The following PUS10 variants were observed in gnomAD, a reference collection of about 807,000 sequenced individuals.
PUS10 encodes the protein tRNA pseudouridine synthase Pus10.
A neutral mutation model predicts 75.0 loss-of-function variants in PUS10; 59 were observed. The observed-to-expected ratio is 0.79, with a 90% CI of 0.64 to 0.98. The LOEUF (loss-of-function observed/expected upper bound fraction) is 0.98. PUS10 is among the 50% of genes least tolerant of loss of function. The pLI is 0.00. For synonymous variants in PUS10, 219 were observed against 211.6 expected, an observed-to-expected ratio of 1.03 and a Z score of -0.30; for missense variants, 650 against 614.4, an observed-to-expected ratio of 1.06 and a Z score of -0.61.
intron 17 of PUS10, among the ~76,000 whole-genome samples, chr2:60,943,310 T>C (rs1674733270): frequency 6.6e-6 from 1 of 152,130 alleles, no homozygotes; most frequent in South Asian, 2.1e-4. Flanking sequence ...TCTGTTTCTT[T>C]AAAATCCAGT....
chr2:60,942,350 A>G lies in PUS10; in HGVS notation c.*45T>C. On this transcript the variant is annotated 3_prime_UTR_variant, in exon 18 of 18. Coordinates refer to ENST00000316752, the MANE Select transcript of PUS10 (RefSeq NM_144709.4). ...TACGGCATGTGCTCCATGGATGTCC[A>G]CATCATGCCAGGAAAACCATACTCT... 1 of 1,566,716 alleles carries G rather than the reference A, an allele frequency of 6.4e-7. No homozygotes were observed. The highest frequency in any genetic ancestry group is 8.8e-7 in the Non-Finnish European group (1 of 1,136,784).
At chr2:60,957,399 G>C (rs976065735) in intron 11 of PUS10, among the ~76,000 whole-genome samples, 7 of 152,236 alleles carry the variant, frequency 4.6e-5, no homozygotes, top group Admixed American at 2.0e-4. Context: ...ATGATGGGTG[G>C]AGCTGGCTAG....
chr2:60,954,267 T>TAATGCAAGAGGGTTAG, intron 12 of PUS10, 109 bp from the exon 13 acceptor site: 1 of 945,038 alleles, frequency 1.1e-6, no homozygotes, highest in Non-Finnish European at 1.7e-6. Context: ...TCTAGAGGAC[T>TAATGCAAGAGGGTTAG]GAAAGTTTAG....
chr2:61,014,689 T>A (rs1679852100), intron 1 of PUS10, among the ~76,000 whole-genome samples: 1 of 152,244 alleles, frequency 6.6e-6, no homozygotes, highest in Non-Finnish European at 1.5e-5. Context: ...TCTTATGGCA[T>A]GCTGTAACTG....
intron 4 of PUS10, among the ~76,000 whole-genome samples, chr2:60,977,678 T>G (rs1197884103): frequency 6.6e-6 from 1 of 152,208 alleles, no homozygotes; most frequent in East Asian, 1.9e-4. Context: ...TGAGAGAATG[T>G]GTCCAGCCCA....
intron 4 of PUS10, 40 bp downstream of exon 4, chr2:61,006,517 T>C (rs752120133): frequency 3.7e-6 from 5 of 1,358,116 alleles, no homozygotes; most frequent in South Asian, 1.2e-5. Flanking sequence ...ATTCCTAGCA[T>C]GCACTTCACA....
intron 15 of PUS10, among the ~76,000 whole-genome samples, 192 bp downstream of exon 15, chr2:60,952,805 G>A (rs190481192): frequency 3.8e-4 from 58 of 152,316 alleles, no homozygotes; most frequent in African/African-American, 1.4e-3. Flanking sequence ...CACTGGCCAC[G>A]CTGCCGCTCC....
chr2:60,975,666 CAAA>C (rs1160640734), intron 4 of PUS10, among the ~76,000 whole-genome samples: 4 of 79,490 alleles, frequency 5.0e-5, no homozygotes. Context: ...AGGGAGCATT[CAAA>C]AAAAAAAAAA....
At chr2:61,013,434 T>A (rs1363838331) in intron 1 of PUS10, among the ~76,000 whole-genome samples, 1 of 152,202 alleles carries the variant, frequency 6.6e-6, no homozygotes, top group African/African-American at 2.4e-5. Context: ...ACTGAGTTGA[T>A]TACCTTTTTG....
rs757458628 is a variant in PUS10, at chr2:61,011,861, A to G, written c.30T>C (p.His10=). MFPLTEENK[H]VAQLLLNTGT... ...CAGTATTGAGCAACAACTGGGCCAC[A>G]TGCTTGTTTTCCTCAGTCAGTGGGA... is the stretch of plus-strand genomic sequence containing the variant. The change falls in exon 2 of 18, where the codon CAT becomes CAC. Residue 10 remains histidine, a synonymous_variant. Transcript: ENST00000316752. 8.1e-6 allele frequency: 13 copies of G among 1,606,756 alleles called. No individual in the cohort carries two copies. Among genetic ancestry groups the G allele is most frequent in the Non-Finnish European group, 1.1e-5 (13 of 1,177,190 alleles).
intron 15 of PUS10, among the ~76,000 whole-genome samples, chr2:60,951,375 A>G (rs1675328008): frequency 6.6e-6 from 1 of 152,108 alleles, no homozygotes; most frequent in Non-Finnish European, 1.5e-5. Context: ...TATTTCTATC[A>G]TTATTACACT....
At chr2:60,971,445 T>G in intron 5 of PUS10, 78 bp downstream of exon 5, 1 of 1,248,890 alleles carries the variant, frequency 8.0e-7, no homozygotes. Context: ...AAATAGAGAT[T>G]GTAGTAGTAA....
chr2:60,979,545 C>T (rs1677253977), intron 4 of PUS10, among the ~76,000 whole-genome samples: 1 of 152,164 alleles, frequency 6.6e-6, no homozygotes, highest in Admixed American at 6.5e-5. Flanking sequence ...ACCCCCGCCA[C>T]CTCCCCATCT....
At chr2:61,008,556 G>A (rs977723311) in intron 3 of PUS10, among the ~76,000 whole-genome samples, 6 of 152,144 alleles carry the variant, frequency 3.9e-5, no homozygotes, top group African/African-American at 1.4e-4. Flanking sequence ...CTACTCAGAA[G>A]GCTGATGTAG....
chr2:60,965,591 G>T, intron 6 of PUS10, 107 bp from the exon 7 acceptor site: 3 of 812,184 alleles, frequency 3.7e-6, no homozygotes, highest in South Asian at 1.8e-5. Context: ...AGAAAAGAAT[G>T]ACCAGAAAAA....
At chr2:60,950,296 CTCATG>C (rs1325417692) in intron 15 of PUS10, among the ~76,000 whole-genome samples, 13 of 152,300 alleles carry the variant, frequency 8.5e-5, no homozygotes, top group East Asian at 3.9e-4. Flanking sequence ...TGCTTTTTTT[CTCATG>C]TCATAAGTGC....
At chr2:60,993,686 T>C (rs573002234) in intron 4 of PUS10, among the ~76,000 whole-genome samples, 1 of 152,246 alleles carries the variant, frequency 6.6e-6, no homozygotes, top group African/African-American at 2.4e-5. Context: ...AGGAAAAATA[T>C]ATTCAGTTTT....
intron 4 of PUS10, among the ~76,000 whole-genome samples, chr2:60,988,587 T>C (rs904883808): frequency 1.3e-5 from 2 of 152,102 alleles, no homozygotes; most frequent in Admixed American, 6.6e-5. Flanking sequence ...TAAACAAATA[T>C]AACTGGCCTT....
At chr2:60,985,685 G>A (rs58780382) in intron 4 of PUS10, among the ~76,000 whole-genome samples, 9,359 of 152,026 alleles carry the variant, frequency 0.062, 992 homozygotes, top group African/African-American at 0.21. Context: ...ATTTTTAGTA[G>A]AGATGGGGTT....
Sources: allele counts gnomAD v4.1 joint callset (sites outside exome capture counted in the v4.1 genomes callset), GRCh38; gene constraint gnomAD v4.1.1; transcripts MANE v1.5; gene names NCBI Gene and HGNC (gene_info 2026-07-23, HGNC 2026-07-21).